The following NTM variants were observed in gnomAD, a reference collection of about 807,000 sequenced individuals.
NTM encodes IgLON family member 2.
Under a neutral mutation model 42.1 loss-of-function variants are expected in NTM, and 13 were observed. The ratio of observed to expected loss-of-function variants is 0.31; its 90% confidence interval spans 0.20 to 0.49. The LOEUF is 0.49. NTM is among the 20% of genes least tolerant of loss of function. The pLI, the probability that NTM is intolerant of heterozygous loss-of-function variation, is 0.99. For synonymous variants in NTM, 187 were observed against 179.2 expected (o/e 1.04, Z -0.35); for missense variants, 373 against 452.8 (o/e 0.82, Z 1.60).
intron 2 of NTM, among the ~76,000 whole-genome samples, chr11:131,966,153 A>G (rs1260569283): frequency 6.6e-6 from 1 of 152,244 alleles, no homozygotes; most frequent in Non-Finnish European, 1.5e-5. Context: ...CACTCTAGCC[A>G]GAGTCTAGTT....
intron 1 of NTM, among the ~76,000 whole-genome samples, chr11:131,726,693 C>T (rs2079011019): frequency 1.3e-5 from 2 of 151,280 alleles, no homozygotes; most frequent in South Asian, 4.1e-4. Flanking sequence ...TTCCAAGAAC[C>T]CAGTCACCCC....
intron 4 of NTM, among the ~76,000 whole-genome samples, chr11:132,302,645 C>T (rs1565427997): frequency 1.3e-5 from 2 of 152,106 alleles, no homozygotes; most frequent in Admixed American, 6.6e-5. Flanking sequence ...GTCTTGAGAG[C>T]CAGAGATGTC....
At chr11:132,304,166 C>T (rs2094982360) in intron 4 of NTM, among the ~76,000 whole-genome samples, 1 of 152,076 alleles carries the variant, frequency 6.6e-6, no homozygotes, top group Non-Finnish European at 1.5e-5. Context: ...TTTGATGTGA[C>T]AGAAAAATAA....
At chr11:131,918,827 G>C (rs975652034) in intron 2 of NTM, among the ~76,000 whole-genome samples, 3 of 152,158 alleles carry the variant, frequency 2.0e-5, no homozygotes, top group Admixed American at 1.3e-4. Flanking sequence ...GGACCCAACC[G>C]ACCTCTAGAG....
chr11:132,012,031 A>G (rs2846133), intron 2 of NTM, among the ~76,000 whole-genome samples: 2 of 152,182 alleles, frequency 1.3e-5, no homozygotes, highest in African/African-American at 2.4e-5. Flanking sequence ...ACCTTTATGT[A>G]CCACATCTTC....
intron 1 of NTM, among the ~76,000 whole-genome samples, chr11:131,820,124 G>T (rs892673425): frequency 6.6e-6 from 1 of 152,126 alleles, no homozygotes; most frequent in Non-Finnish European, 1.5e-5. Context: ...TAACATAAGC[G>T]GCTGCTTGGG....
intron 1 of NTM, among the ~76,000 whole-genome samples, chr11:131,697,308 A>G (rs886401812): frequency 3.3e-5 from 5 of 152,224 alleles, no homozygotes; most frequent in African/African-American, 7.2e-5. Context: ...GGCCTGTGCC[A>G]TAAGTGTGGG....
intron 2 of NTM, among the ~76,000 whole-genome samples, chr11:132,083,378 A>G (rs2059326508): frequency 6.6e-6 from 1 of 152,250 alleles, no homozygotes; most frequent in Admixed American, 6.5e-5. Context: ...ATTTGCATAA[A>G]GTGCAGCAAG....
At chr11:132,126,544 G>A (rs111530275) in intron 2 of NTM, among the ~76,000 whole-genome samples, 2 of 152,176 alleles carry the variant, frequency 1.3e-5, no homozygotes, top group Non-Finnish European at 2.9e-5. Context: ...CATGGCGGGG[G>A]CAGGAGGAGG....
At chr11:132,293,676 G>GT (rs34368571) in intron 4 of NTM, among the ~76,000 whole-genome samples, 16,652 of 147,194 alleles carry the variant, frequency 0.11, 1,120 homozygotes, top group Non-Finnish European at 0.16. Flanking sequence ...GAAATGTAAG[G>GT]TTTTTTTTTT....
chr11:131,474,679 C>G (rs915667100), intron 1 of NTM, among the ~76,000 whole-genome samples: 1 of 152,160 alleles, frequency 6.6e-6, no homozygotes, highest in African/African-American at 2.4e-5. Context: ...TTCCCGTGCT[C>G]CATTCTCCAG....
chr11:132,089,199 G>T (rs901910602), intron 2 of NTM, among the ~76,000 whole-genome samples: 2 of 152,218 alleles, frequency 1.3e-5, no homozygotes, highest in African/African-American at 4.8e-5. Flanking sequence ...AGGATCCCAA[G>T]AAACTGTTAC....
intron 7 of NTM, among the ~76,000 whole-genome samples, chr11:132,323,816 G>T (rs1357862935): frequency 6.6e-6 from 1 of 151,656 alleles, no homozygotes; most frequent in Non-Finnish European, 1.5e-5. Flanking sequence ...ACATCAAAAA[G>T]CTTATCCACC....
At chr11:132,140,356 A>C (rs1591777456) in intron 2 of NTM, among the ~76,000 whole-genome samples, 1 of 152,240 alleles carries the variant, frequency 6.6e-6, no homozygotes, top group Non-Finnish European at 1.5e-5. Flanking sequence ...CTGTATCATA[A>C]GTGTGCTGTC....
At chr11:131,753,215 G>A (rs995011831) in intron 1 of NTM, among the ~76,000 whole-genome samples, 11 of 152,208 alleles carry the variant, frequency 7.2e-5, no homozygotes, top group African/African-American at 1.9e-4. Flanking sequence ...CAGTTAGAAT[G>A]GCAATCATTA....
intron 1 of NTM, among the ~76,000 whole-genome samples, chr11:131,695,396 T>C (rs2075326499): frequency 6.6e-6 from 1 of 152,192 alleles, no homozygotes; most frequent in South Asian, 2.1e-4. Flanking sequence ...ACGCAAACCT[T>C]CATGCCGGCA....
rs555198624 is a variant in NTM at position 131,736,594 on chromosome 11, G to A, written c.83-174970G>A. On this transcript the variant is annotated intron_variant, in intron 1 of 8. Transcript: ENST00000683400. ...TTCCATCTTATTTGACACTTCATCA[G>A]CTGGAGATGGCTCAGAGATGGTTTA... 3.7e-4 allele frequency among the ~76,000 whole-genome samples: 56 copies of A among 152,232 alleles called. 1 individual carries two copies. Among genetic ancestry groups the A allele is most frequent in the African/African-American group, 1.2e-3 (51 of 41,538 alleles).
At chr11:131,904,495 G>C (rs957760184) in intron 1 of NTM, among the ~76,000 whole-genome samples, 7 of 152,168 alleles carry the variant, frequency 4.6e-5, no homozygotes, top group Non-Finnish European at 1.0e-4. Context: ...GCCAATCCCT[G>C]AATGTAGAAA....
At chr11:131,780,553 G>C (rs1243336885) in intron 1 of NTM, among the ~76,000 whole-genome samples, 1 of 152,136 alleles carries the variant, frequency 6.6e-6, no homozygotes, top group African/African-American at 2.4e-5. Context: ...AGGACTTGCA[G>C]GGTTTATCAG....
Sources: allele counts gnomAD v4.1 joint callset (sites outside exome capture counted in the v4.1 genomes callset), GRCh38; gene constraint gnomAD v4.1.1; transcripts MANE v1.5; gene names NCBI Gene and HGNC (gene_info 2026-07-23, HGNC 2026-07-21).